The following RRBP1 variants were observed in gnomAD, a reference collection of about 807,000 sequenced individuals.
RRBP1 encodes ribosome binding protein 1.
Under a neutral mutation model 165.2 loss-of-function variants are expected in RRBP1, and 94 were observed. That is an observed-to-expected ratio of 0.57 (90% CI 0.48 to 0.68). The LOEUF is 0.68. Among genes scored for constraint, RRBP1 ranks in the 30% least tolerant of loss-of-function variants. The pLI, the probability that RRBP1 is intolerant of heterozygous loss-of-function variation, is 0.00. For synonymous variants in RRBP1, 680 were observed against 714.5 expected, an observed-to-expected ratio of 0.95 and a Z score of 0.77; for missense variants, 1,676 against 1,763.0, an observed-to-expected ratio of 0.95 and a Z score of 0.88.
At position 17,621,570 on chromosome 20, in the gene RRBP1, TTTAG is replaced by T. The variant is rs528161097; in HGVS notation, c.3325-27_3325-24del. The T allele has an allele frequency of 1.5e-4, 238 of 1,603,554 alleles. 2 individuals carry two copies. The South Asian group carries it at 2.5e-3, about 17-fold the overall frequency. On this transcript the variant is annotated intron_variant, in intron 15 of 24. Coordinates refer to ENST00000377813, the MANE Select transcript of RRBP1 (RefSeq NM_001365613.2). The stretch of plus-strand genomic sequence containing the variant: ...GTCCTGAGAGAGGGAAGAACAGGTG[TTTAG>T]TTAGCCACACACAAAGGTTCTTCTC...
In RRBP1 at chr20:17,625,495, G is replaced by A; in HGVS notation, c.3054+17C>T. 6.2e-7 allele frequency: 1 copy of A among 1,611,292 alleles called. No individual in the cohort carries two copies. The highest frequency in any genetic ancestry group is 8.5e-7 in the Non-Finnish European group (1 of 1,178,148). On this transcript the variant is annotated intron_variant, in intron 12 of 24. Transcript: ENST00000377813. ...TTCCCTGGCCCGTCCGTCCCCGCCT[G>A]TGCCTGCCGCACTCACATTGTTCTT... is the stretch of plus-strand genomic sequence containing the variant.
At chr20:17,620,427 G>A (rs559972803) in intron 17 of RRBP1, 57 bp from the exon 18 acceptor site, 25 of 1,491,928 alleles carry the variant, frequency 1.7e-5, no homozygotes, top group Middle Eastern at 1.7e-4. Context: ...GTCTCCTTCC[G>A]AGGCCATGCT....
intron 20 of RRBP1, 132 bp from the exon 21 acceptor site, chr20:17,616,971 G>T: frequency 1.3e-6 from 1 of 784,840 alleles, no homozygotes; most frequent in Non-Finnish European, 2.1e-6. Context: ...ACCTGGCTTG[G>T]TAACTGTGAC....
intron 21 of RRBP1, 125 bp from the exon 22 acceptor site, chr20:17,616,134 C>CA: frequency 2.6e-6 from 2 of 779,616 alleles, no homozygotes. Flanking sequence ...CAACGCTCCC[C>CA]TCGTTGGGGA....
intron 2 of RRBP1, among the ~76,000 whole-genome samples, chr20:17,662,949 G>A (rs915425513): frequency 9.9e-5 from 15 of 152,270 alleles, no homozygotes; most frequent in African/African-American, 3.6e-4. Context: ...GCTGAGGAGG[G>A]AGGATCGCTT....
chr20:17,619,206 G>A (rs1402462112), intron 19 of RRBP1: 4 of 175,210 alleles, frequency 2.3e-5, no homozygotes, highest in Non-Finnish European at 4.9e-5. Context: ...GGCATGAGCC[G>A]CTGTGCCTGG....
intron 5 of RRBP1, among the ~76,000 whole-genome samples, chr20:17,639,466 A>G (rs1040402112): frequency 4.6e-5 from 7 of 152,244 alleles, no homozygotes; most frequent in East Asian, 1.9e-4. Context: ...GACTAGAACA[A>G]GAAACATAGG....
chr20:17,666,144 T>A (rs556279245), intron 2 of RRBP1, among the ~76,000 whole-genome samples: 1 of 152,234 alleles, frequency 6.6e-6, no homozygotes, highest in African/African-American at 2.4e-5. Context: ...GTAGGAAGGA[T>A]TGATATTTCT....
At position 17,647,002 on chromosome 20, in the gene RRBP1, G is replaced by A. The variant is rs6044932; in HGVS notation, c.1913-3875C>T. ...TATCAGAACCACTCCAGGAACTGCC[G>A]CCTGAGCCCTGGCAGCAGCTGGTGG... On this transcript the variant is annotated intron_variant, in intron 3 of 24. Coordinates refer to ENST00000377813, the MANE Select transcript of RRBP1 (RefSeq NM_001365613.2). Among the ~76,000 whole-genome samples the A allele has an allele frequency of 4.3e-3, 661 of 152,266 alleles. 5 individuals are homozygous for A. The highest frequency in any genetic ancestry group is 0.015 in the African/African-American group (605 of 41,564).
At chr20:17,619,343 A>G (rs879319523) in intron 19 of RRBP1, 2 of 344,006 alleles carry the variant, frequency 5.8e-6, no homozygotes, top group Non-Finnish European at 1.0e-5. Context: ...CAGGCAGAGA[A>G]TCCCCTTGCG....
chr20:17,643,038 G>T lies in RRBP1; in HGVS notation c.2002C>A (p.Gln668Lys). Residue 668 changes from glutamine (Q) to lysine (K), a missense_variant, in exon 4 of 25, where the codon CAG becomes AAG. By Grantham distance (53) the Gln-to-Lys change is moderately conservative. Coordinates refer to ENST00000377813, the MANE Select transcript of RRBP1 (RefSeq NM_001365613.2). The surrounding 1 kb of genome is among the most constrained non-coding windows in gnomAD (Gnocchi z 4.3). ...GSMVFNEGEA[Q>K]RLIEILSEKA... Reference sequence around the variant, plus strand: ...TCAGACAGGATCTCGATGAGCCGCTGGGCCTCGCCCTCGTTGAACACCATG... The same window carrying T: ...TCAGACAGGATCTCGATGAGCCGCTTGGCCTCGCCCTCGTTGAACACCATG... The T allele has an allele frequency of 6.2e-7, 1 of 1,614,112 alleles. No homozygotes were observed. Among genetic ancestry groups the T allele is most frequent in the Non-Finnish European group, 8.5e-7 (1 of 1,180,028 alleles).
At chr20:17,661,568 C>T (rs558441326) in intron 2 of RRBP1, among the ~76,000 whole-genome samples, 1 of 152,328 alleles carries the variant, frequency 6.6e-6, no homozygotes, top group African/African-American at 2.4e-5. Context: ...AGTTCGACTT[C>T]ACTGAGGAAC....
chr20:17,631,623 T>C (rs2036152320), intron 8 of RRBP1, among the ~76,000 whole-genome samples: 1 of 152,262 alleles, frequency 6.6e-6, no homozygotes, highest in African/African-American at 2.4e-5. Context: ...AAGGCCCTCC[T>C]GGATTTCTAA....
Position 17,614,083 on chromosome 20 carries a change from G to C in RRBP1, c.*99C>G, listed in dbSNP as rs2035743169. Reference sequence around the variant, plus strand: ...CTTCTCTCGGAGCTACCGGAAGTTGGGCCTGGATAACGCTGTGTAGGTTGG... The same window carrying C: ...CTTCTCTCGGAGCTACCGGAAGTTGCGCCTGGATAACGCTGTGTAGGTTGG... On this transcript the variant is annotated 3_prime_UTR_variant, in exon 25 of 25. Transcript: ENST00000377813. 8.2e-7 allele frequency: 1 copy of C among 1,220,316 alleles called. No individual in the cohort carries two copies. The highest frequency in any genetic ancestry group is 1.5e-5 in the African/African-American group (1 of 67,388). The allele number at this position is 1,220,316 out of a possible 1,614,324, so 75.6% of individuals were successfully genotyped here.
Position 17,658,715 on chromosome 20 carries a change from T to C in RRBP1, c.1793A>G (p.Lys598Arg). Residue 598 changes from lysine to arginine, a missense_variant, in exon 3 of 25, where the codon AAA (lysine) becomes AGA (arginine). Transcript: ENST00000377813. The part of the protein sequence containing the change: ...KKADAAANQG[K>R]KTESASVQGR... ...CTGGACAGAAGCTGACTCTGTCTTT[T>C]TACCCTGATTGGCAGCTGCGTCTGC... 1 of 1,614,254 alleles carries C rather than the reference T, an allele frequency of 6.2e-7. No individual in the cohort carries two copies. Among genetic ancestry groups the C allele is most frequent in the Non-Finnish European group, 8.5e-7 (1 of 1,180,052 alleles).
chr20:17,643,864 ACG>A lies in RRBP1; in HGVS notation c.1913-739_1913-738del, dbSNP rs1378038746. Among the ~76,000 whole-genome samples, 2 of 151,908 alleles carry A rather than the reference ACG, an allele frequency of 1.3e-5. No individual in the cohort carries two copies. Among genetic ancestry groups the A allele is most frequent in the Non-Finnish European group, 2.9e-5 (2 of 67,958 alleles). On this transcript the variant is annotated intron_variant, in intron 3 of 24. Transcript: ENST00000377813. This position sits in a 1 kb window ranked among gnomAD's most constrained non-coding sequence, Gnocchi z 4.3. ...AAAACTAAAACTGCCGACACCCCCC[ACG>A]CCCCTCCCCACACACATGGTTTTGT...
At chr20:17,641,546 C>T in intron 5 of RRBP1, 1 of 565,602 alleles carries the variant, frequency 1.8e-6, no homozygotes, top group Non-Finnish European at 3.2e-6. Context: ...ACCCTTGCTT[C>T]ACTTCCCTGC....
At chr20:17,623,774 A>G (rs1257047024) in intron 13 of RRBP1, among the ~76,000 whole-genome samples, 2 of 152,136 alleles carry the variant, frequency 1.3e-5, no homozygotes, top group Non-Finnish European at 1.5e-5. Flanking sequence ...TGTACAAAAC[A>G]TGCAAAACTT....
chr20:17,680,627 G>C (rs574963780), intron 1 of RRBP1, among the ~76,000 whole-genome samples: 107 of 152,160 alleles, frequency 7.0e-4, no homozygotes, highest in African/African-American at 2.5e-3. Context: ...TGAGTGGGTG[G>C]TGCTGTCTTC....
Sources: allele counts gnomAD v4.1 joint callset (sites outside exome capture counted in the v4.1 genomes callset), GRCh38; gene constraint gnomAD v4.1.1; non-coding constraint Gnocchi (gnomAD v3.1); transcripts MANE v1.5; gene names NCBI Gene and HGNC (gene_info 2026-07-23, HGNC 2026-07-21).